Variants in JAZF1 observed in about 807,000 individuals in gnomAD.
The protein encoded by JAZF1 is JAZF zinc finger 1.
A neutral mutation model predicts 26.4 loss-of-function variants in JAZF1; 8 were observed. The ratio of observed to expected loss-of-function variants is 0.30; its 90% CI spans 0.18 to 0.55. JAZF1 has a LOEUF of 0.55. JAZF1 is among the 20% of genes least tolerant of loss of function. The probability of loss-of-function intolerance (pLI) is 0.94; values close to 1 mark genes in which losing one functional copy is unlikely to be tolerated. For synonymous variants in JAZF1, 126 were observed against 122.3 expected (o/e 1.03, Z -0.20); for missense variants, 199 against 322.0 (o/e 0.62, Z 2.92).
intron 1 of JAZF1, among the ~76,000 whole-genome samples, chr7:28,073,493 T>G (rs1012784443): frequency 6.6e-6 from 1 of 152,188 alleles, no homozygotes; most frequent in Non-Finnish European, 1.5e-5. Flanking sequence ...GCATTTTGCT[T>G]TATTTTCACT....
intron 3 of JAZF1, among the ~76,000 whole-genome samples, chr7:27,893,392 G>C (rs1295730198): frequency 6.6e-6 from 1 of 152,122 alleles, no homozygotes; most frequent in Non-Finnish European, 1.5e-5. Flanking sequence ...TTTGCTCTTC[G>C]ATTCAACCAA....
chr7:28,021,047 T>C (rs1782998627), intron 1 of JAZF1, among the ~76,000 whole-genome samples: 3 of 152,150 alleles, frequency 2.0e-5, no homozygotes, highest in African/African-American at 7.2e-5. Context: ...TGGTCCTGAG[T>C]GCCTGCTGCA....
At chr7:27,914,583 G>A (rs1475924542) in intron 2 of JAZF1, 1 of 350,754 alleles carries the variant, frequency 2.9e-6, no homozygotes, top group African/African-American at 2.1e-5. Context: ...TGCCAGGGAA[G>A]TAGCCCTCAC....
At chr7:28,124,817 A>G (rs1351662456) in intron 1 of JAZF1, among the ~76,000 whole-genome samples, 1 of 152,244 alleles carries the variant, frequency 6.6e-6, no homozygotes, top group Non-Finnish European at 1.5e-5. Flanking sequence ...TTTTGATCAG[A>G]TCAATACTAC....
rs1368873651 is a variant in JAZF1 at position 27,979,405 on chromosome 7, T to TTTTTTC, written c.188+12503_188+12504insGAAAAA. On this transcript the variant is annotated intron_variant, in intron 2 of 4. Transcript: ENST00000283928. ...TTTTTTTTTTTTTTTTTTTTTTTTT[T>TTTTTTC]AGAAACAGAGTCTTGTTCTATCACC... Among the ~76,000 whole-genome samples the TTTTTTC allele has an allele frequency of 2.0e-3, 169 of 84,238 alleles. 24 individuals carry two copies. In the East Asian group the frequency reaches 0.021, roughly 10 times the overall value. The allele number at this position is 84,238 out of a possible 152,430, so 55.3% of individuals were successfully genotyped here.
intron 3 of JAZF1, among the ~76,000 whole-genome samples, chr7:27,890,564 G>C (rs1783954812): frequency 1.3e-5 from 2 of 152,142 alleles, no homozygotes; most frequent in Admixed American, 1.3e-4. Context: ...GGGTATACTG[G>C]AAAGAGCTTA....
intron 1 of JAZF1, among the ~76,000 whole-genome samples, chr7:28,003,147 T>C (rs1345760792): frequency 1.3e-5 from 2 of 152,208 alleles, no homozygotes; most frequent in Non-Finnish European, 2.9e-5. Context: ...ACCGGAATTC[T>C]GGTTTATTTT....
intron 2 of JAZF1, among the ~76,000 whole-genome samples, chr7:27,907,486 G>C (rs181450077): frequency 1.3e-5 from 2 of 152,278 alleles, no homozygotes; most frequent in Non-Finnish European, 2.9e-5. Context: ...GGCTAAGATA[G>C]GTATCGAAGC....
intron 2 of JAZF1, among the ~76,000 whole-genome samples, chr7:27,978,292 C>T (rs1785511031): frequency 6.6e-6 from 1 of 152,176 alleles, no homozygotes; most frequent in Non-Finnish European, 1.5e-5. Context: ...CTCCTATACT[C>T]TTAACCACTA....
chr7:27,965,681 C>T (rs1170081426), intron 2 of JAZF1, among the ~76,000 whole-genome samples: 1 of 152,096 alleles, frequency 6.6e-6, no homozygotes, highest in Non-Finnish European at 1.5e-5. Context: ...TATAAATCTT[C>T]AGCATATTAG....
intron 1 of JAZF1, among the ~76,000 whole-genome samples, chr7:28,163,926 A>G (rs1482483342): frequency 1.3e-5 from 2 of 152,248 alleles, no homozygotes; most frequent in African/African-American, 4.8e-5. Flanking sequence ...CAAAAGAAAC[A>G]TACTTCCTTG....
chr7:27,910,216 G>T (rs1042812866), intron 2 of JAZF1, among the ~76,000 whole-genome samples: 2 of 152,160 alleles, frequency 1.3e-5, no homozygotes, highest in African/African-American at 4.8e-5. Flanking sequence ...AGGGAAAAAA[G>T]AATGACATAA....
chr7:28,146,510 G>A, intron 1 of JAZF1, among the ~76,000 whole-genome samples: 1 of 152,160 alleles, frequency 6.6e-6, no homozygotes, highest in Non-Finnish European at 1.5e-5. Context: ...GTATTAAAAG[G>A]TGCTAATTCT....
At chr7:28,111,786 CATGCATGCATGTGCATGTGTGT>C (rs1784664869) in intron 1 of JAZF1, among the ~76,000 whole-genome samples, 1 of 152,098 alleles carries the variant, frequency 6.6e-6, no homozygotes, top group East Asian at 1.9e-4. Flanking sequence ...GTGCATGCAG[CATGCATGCATGTGCATGTGTGT>C]ATGTGTTACC....
chr7:27,960,390 G>GGT (rs1785167773), intron 2 of JAZF1, among the ~76,000 whole-genome samples: 1 of 152,170 alleles, frequency 6.6e-6, no homozygotes, highest in South Asian at 2.1e-4. Flanking sequence ...ATTTCTTTAG[G>GGT]TTACACTCAC....
intron 2 of JAZF1, among the ~76,000 whole-genome samples, chr7:27,898,133 G>GA (rs1207789817): frequency 2.6e-5 from 4 of 152,054 alleles, no homozygotes; most frequent in African/African-American, 9.7e-5. Flanking sequence ...CCATGGCTCT[G>GA]AAAGCACTGA....
intron 1 of JAZF1, among the ~76,000 whole-genome samples, chr7:28,133,463 GA>G (rs1337739903): frequency 6.6e-6 from 1 of 152,146 alleles, no homozygotes; most frequent in African/African-American, 2.4e-5. Context: ...TGTTTTTTAA[GA>G]TCTGCCAGGA....
At chr7:28,059,286 A>G (rs938161746) in intron 1 of JAZF1, among the ~76,000 whole-genome samples, 13 of 152,192 alleles carry the variant, frequency 8.5e-5, no homozygotes, top group African/African-American at 2.7e-4. Context: ...GATTCTTGGA[A>G]GCAGCACACT....
chr7:27,968,150 G>A (rs1266793766), intron 2 of JAZF1, among the ~76,000 whole-genome samples: 1 of 152,132 alleles, frequency 6.6e-6, no homozygotes, highest in South Asian at 2.1e-4. Flanking sequence ...TAATATGGAA[G>A]AAACTCAAAA....
Sources: gnomAD v4.1 joint callset for allele counts (sites outside exome capture counted in the v4.1 genomes callset) on GRCh38, gnomAD v4.1.1 for gene constraint, MANE v1.5 for transcripts, NCBI Gene and HGNC (gene_info 2026-07-23, HGNC 2026-07-21) for gene names.